BICC1: variants seen among roughly 807,000 people sequenced by gnomAD.
BICC1 encodes BicC family RNA binding protein 1, also known as protein bicaudal C homolog 1.
BICC1 carries 43 observed loss-of-function variants against 111.0 expected under a neutral mutation model. The ratio of observed to expected loss-of-function variants is 0.39; its 90% CI spans 0.30 to 0.50. The LOEUF is 0.50. Among genes scored for constraint, BICC1 ranks in the 20% least tolerant of loss-of-function variants. The pLI is 0.88. For synonymous variants in BICC1, 467 were observed against 434.4 expected, an observed-to-expected ratio of 1.07 and a Z score of -0.93; for missense variants, 1,091 against 1,203.2, an observed-to-expected ratio of 0.91 and a Z score of 1.38.
intron 2 of BICC1, among the ~76,000 whole-genome samples, chr10:58,685,220 C>T (rs914540442): frequency 1.3e-5 from 2 of 152,152 alleles, no homozygotes; most frequent in Non-Finnish European, 2.9e-5. Flanking sequence ...TTTGATTGCA[C>T]TGTGGTCTGA....
chr10:58,679,296 A>G (rs1839440798), intron 2 of BICC1, among the ~76,000 whole-genome samples: 1 of 152,212 alleles, frequency 6.6e-6, no homozygotes, highest in African/African-American at 2.4e-5. Flanking sequence ...TAGCCAGACT[A>G]ATAAATAAGA....
intron 2 of BICC1, among the ~76,000 whole-genome samples, chr10:58,694,546 G>C (rs1435760092): frequency 6.6e-6 from 1 of 152,182 alleles, no homozygotes; most frequent in Admixed American, 6.5e-5. Context: ...AAATTCATGC[G>C]TAGTGGAACT....
At chr10:58,806,257 C>T (rs1843704862) in intron 15 of BICC1, among the ~76,000 whole-genome samples, 1 of 152,086 alleles carries the variant, frequency 6.6e-6, no homozygotes, top group African/African-American at 2.4e-5. Flanking sequence ...TTAGGCTGTT[C>T]ACTATATTCT....
intron 3 of BICC1, among the ~76,000 whole-genome samples, chr10:58,770,327 T>A (rs1687852026): frequency 6.6e-6 from 1 of 152,156 alleles, no homozygotes; most frequent in African/African-American, 2.4e-5. Flanking sequence ...GCAAAGTGAA[T>A]ATGTCCCATT....
rs16912640 is a variant in BICC1 at position 58,823,185 on chromosome 10, G to A, written c.2794+2717G>A. Reference sequence around the variant, plus strand: ...ATCCTGTTGACAGGCTTCCCACCACGGCCTCAGGTAGATCTAACATTTCCC... The same window carrying A: ...ATCCTGTTGACAGGCTTCCCACCACAGCCTCAGGTAGATCTAACATTTCCC... On this transcript the variant is annotated intron_variant, in intron 20 of 20. Transcript: ENST00000373886. 2.6e-3 allele frequency: 2,541 copies of A among 975,722 alleles called. 63 individuals are homozygous for A. The African/African-American group carries it at 0.04, about 16-fold the overall frequency. 60.4% of individuals were successfully genotyped at this position (975,722 alleles called of 1,614,324 possible). A position where few individuals can be genotyped will look rare whatever the true frequency, so the allele number is the denominator to read the frequency against.
chr10:58,520,504 T>C (rs1842360533), intron 1 of BICC1, among the ~76,000 whole-genome samples: 1 of 152,174 alleles, frequency 6.6e-6, no homozygotes, highest in South Asian at 2.1e-4. Flanking sequence ...AAAATGTTTG[T>C]ATTTGTAACA....
chr10:58,545,910 AT>A (rs1310612721), intron 1 of BICC1, among the ~76,000 whole-genome samples: 1 of 152,100 alleles, frequency 6.6e-6, no homozygotes, highest in Non-Finnish European at 1.5e-5. Flanking sequence ...AGTGTTGGGT[AT>A]TTTTGTTGTT....
chr10:58,795,635 G>A (rs1381653525), intron 9 of BICC1, among the ~76,000 whole-genome samples: 1 of 151,500 alleles, frequency 6.6e-6, no homozygotes, highest in Non-Finnish European at 1.5e-5. Context: ...TGCTTTAACT[G>A]CTTTCTCAGC....
At chr10:58,803,326 G>C in intron 15 of BICC1, 84 bp downstream of exon 15, 1 of 1,208,948 alleles carries the variant, frequency 8.3e-7, no homozygotes, top group Non-Finnish European at 1.1e-6. Context: ...TTCAGCAGTA[G>C]TGCAGAAATT....
intron 2 of BICC1, among the ~76,000 whole-genome samples, chr10:58,642,922 G>A (rs894410792): frequency 2.0e-5 from 3 of 152,094 alleles, no homozygotes; most frequent in African/African-American, 4.8e-5. Context: ...CAGGCCAGTC[G>A]CAAACTCCTT....
intron 1 of BICC1, among the ~76,000 whole-genome samples, chr10:58,528,151 G>A (rs1165561742): frequency 6.6e-6 from 1 of 151,848 alleles, no homozygotes; most frequent in African/African-American, 2.4e-5. Context: ...AGCGGACCTG[G>A]CATTGACCTC....
rs1844477434 is a variant in BICC1, at chr10:58,828,887, G to A, written c.2921G>A (p.Trp974Ter). The A allele has an allele frequency of 2.5e-6, 4 of 1,613,774 alleles. No individual in the cohort carries two copies. In the East Asian group the frequency reaches 8.9e-5, roughly 36 times the overall value. ...HSDIASVSGR[W>*] The stretch of plus-strand genomic sequence containing the variant: ...GACATTGCTAGTGTCAGTGGCCGCT[G>A]GTAGCAGCACCCTCTTGGCACATGC... Residue 974 changes from tryptophan to a stop codon, truncating the protein, a stop_gained, in exon 21 of 21, where the codon TGG (tryptophan) becomes TAG (stop). Coordinates refer to ENST00000373886, the MANE Select transcript of BICC1 (RefSeq NM_001080512.3). LOFTEE classifies it high-confidence loss of function.
chr10:58,799,866 GTTTT>G (rs1385775279), intron 12 of BICC1, among the ~76,000 whole-genome samples: 1 of 152,084 alleles, frequency 6.6e-6, no homozygotes, highest in Non-Finnish European at 1.5e-5. Flanking sequence ...TTTTAGAATA[GTTTT>G]TTCTATTTCT....
chr10:58,817,857 A>G (rs1844143932), intron 19 of BICC1, 135 bp downstream of exon 19: 2 of 877,206 alleles, frequency 2.3e-6, no homozygotes, highest in Non-Finnish European at 3.3e-6. Context: ...TGTCCTTGCT[A>G]CTAAGAAAAA....
At chr10:58,741,171 G>C (rs1841651661) in intron 3 of BICC1, among the ~76,000 whole-genome samples, 1 of 152,194 alleles carries the variant, frequency 6.6e-6, no homozygotes, top group Non-Finnish European at 1.5e-5. Flanking sequence ...CAGACGAGTT[G>C]TTGGAAGGTG....
At position 58,790,476 on chromosome 10, in the gene BICC1, A is replaced by G. The variant is rs187121918; in HGVS notation, c.1047+543A>G. On this transcript the variant is annotated intron_variant, in intron 8 of 20. Transcript: ENST00000373886. ...AAGCAAAGTTATATATTATAATTCA[A>G]TACTACTTTACTACTTCTAATTTAT... is the stretch of plus-strand genomic sequence containing the variant. 1.5e-4 allele frequency among the ~76,000 whole-genome samples: 23 copies of G among 152,318 alleles called. No individual in the cohort carries two copies. The East Asian group carries it at 1.9e-3, about 13-fold the overall frequency.
intron 2 of BICC1, among the ~76,000 whole-genome samples, chr10:58,643,202 T>C (rs915592946): frequency 2.0e-5 from 3 of 152,186 alleles, no homozygotes; most frequent in African/African-American, 7.2e-5. Context: ...CTCTGAAGGC[T>C]TTGTGATGAT....
intron 1 of BICC1, among the ~76,000 whole-genome samples, chr10:58,613,110 G>C (rs1055243776): frequency 1.3e-5 from 2 of 152,110 alleles, no homozygotes; most frequent in African/African-American, 4.8e-5. Context: ...AAAATGAATC[G>C]TTCAGCTTAA....
In BICC1 at chr10:58,676,468, C is replaced by T. The variant is rs188220910; in HGVS notation, c.238-25606C>T. Among the ~76,000 whole-genome samples the T allele has an allele frequency of 2.1e-3, 325 of 152,228 alleles. 1 individual carries two copies. The highest frequency in any genetic ancestry group is 5.8e-3 in the Admixed American group (88 of 15,274). ...GGGCATCCGCCATTACTGAGGCTTA[C>T]GCAAAGCTTCTGTAGCCAGATTCCT... On this transcript the variant is annotated intron_variant, in intron 2 of 20. Transcript: ENST00000373886.
Sources: allele counts gnomAD v4.1 joint callset (sites outside exome capture counted in the v4.1 genomes callset), GRCh38; gene constraint gnomAD v4.1.1; transcripts MANE v1.5; gene names NCBI Gene and HGNC (gene_info 2026-07-23, HGNC 2026-07-21).